Variants in ASAP2 observed in about 807,000 individuals in gnomAD.
The protein encoded by ASAP2 is arf-GAP with SH3 domain, ANK repeat and PH domain-containing protein 2.
ASAP2 carries 45 observed loss-of-function variants against 131.4 expected under a neutral mutation model. That is an observed-to-expected ratio of 0.34 (90% CI 0.27 to 0.44). ASAP2 has a LOEUF of 0.44. Ranked by LOEUF, ASAP2 falls within the 20% of genes least tolerant of loss-of-function variation. The pLI is 1.00. For missense variants in ASAP2, 1,011 were observed against 1,297.0 expected, an observed-to-expected ratio of 0.78 and a Z score of 3.39; for synonymous variants, 510 against 503.0, an observed-to-expected ratio of 1.01 and a Z score of -0.19.
At chr2:9,227,445 A>G (rs1032820778) in intron 1 of ASAP2, among the ~76,000 whole-genome samples, 2 of 152,234 alleles carry the variant, frequency 1.3e-5, no homozygotes, top group African/African-American at 2.4e-5. Context: ...CCGAACTGCA[A>G]ACTCCTGAGG....
chr2:9,221,983 G>A lies in ASAP2; in HGVS notation c.126+14753G>A, dbSNP rs1273195539. Among the ~76,000 whole-genome samples the A allele has an allele frequency of 3.3e-5, 5 of 151,470 alleles. No homozygotes were observed. The East Asian group carries it at 9.8e-4, about 30-fold the overall frequency. Reference sequence around the variant, plus strand: ...TAATTTTTTTTTTTTTGTATTTTTAGCAGAGATGGGGTTTCACCATGGTCT... The same window carrying A: ...TAATTTTTTTTTTTTTGTATTTTTAACAGAGATGGGGTTTCACCATGGTCT... On this transcript the variant is annotated intron_variant, in intron 1 of 27. Coordinates refer to ENST00000281419, the MANE Select transcript of ASAP2 (RefSeq NM_003887.3).
At chr2:9,284,189 G>A (rs913610880) in intron 2 of ASAP2, among the ~76,000 whole-genome samples, 2 of 152,206 alleles carry the variant, frequency 1.3e-5, no homozygotes, top group Non-Finnish European at 2.9e-5. Context: ...ATTAGGAGGT[G>A]GGCATCTGGT....
rs898391047 is a variant in ASAP2 at position 9,264,681 on chromosome 2, C to T, written c.127-14636C>T. Among the ~76,000 whole-genome samples, 7 of 152,276 alleles carry T rather than the reference C, an allele frequency of 4.6e-5. No individual in the cohort carries two copies. The East Asian group carries it at 9.6e-4, about 21-fold the overall frequency. The stretch of plus-strand genomic sequence containing the variant: ...CGTCTTCTCTCCTCATCTAGGTGCG[C>T]GCTATAACTAAGTCCTTTGCCTCTT... On this transcript the variant is annotated intron_variant, in intron 1 of 27. Transcript: ENST00000281419.
chr2:9,309,098 C>T (rs1276425615), intron 3 of ASAP2, among the ~76,000 whole-genome samples: 3 of 152,164 alleles, frequency 2.0e-5, no homozygotes, highest in Non-Finnish European at 2.9e-5. Context: ...CTCCTTTGCG[C>T]TCTGCTCCAA....
chr2:9,224,549 T>C (rs1219632147), intron 1 of ASAP2, among the ~76,000 whole-genome samples: 1 of 152,196 alleles, frequency 6.6e-6, no homozygotes. Context: ...GTGTCATCCT[T>C]TGAAACAATT....
intron 14 of ASAP2, among the ~76,000 whole-genome samples, chr2:9,356,598 G>T (rs1672721435): frequency 1.3e-5 from 2 of 152,190 alleles, no homozygotes; most frequent in Non-Finnish European, 2.9e-5. Flanking sequence ...TGCAAAGTTT[G>T]AAATGCTTTT....
chr2:9,350,649 C>G, intron 11 of ASAP2, 159 bp from the exon 12 acceptor site: 1 of 558,592 alleles, frequency 1.8e-6, no homozygotes. Context: ...GCCTCTGTAA[C>G]TTGTCCCAGT....
chr2:9,399,215 T>A (rs1676424643), intron 24 of ASAP2: 1 of 152,366 alleles, frequency 6.6e-6, no homozygotes, highest in Non-Finnish European at 1.5e-5. Context: ...GTGGAAAGAA[T>A]CCCATCCTTG....
intron 15 of ASAP2, among the ~76,000 whole-genome samples, chr2:9,361,974 C>CATGTGT (rs1553321640): frequency 7.0e-6 from 1 of 143,172 alleles, no homozygotes; most frequent in Non-Finnish European, 1.5e-5. Context: ...TCTTTCTCTG[C>CATGTGT]GTGTGTGTGT....
Position 9,380,773 on chromosome 2 carries a change from G to T in ASAP2, c.1981G>T (p.Ala661Ser), listed in dbSNP as rs773891052. The change falls in exon 20 of 28, where the codon GCC becomes TCC. Residue 661 changes from alanine (A) to serine (S), a missense_variant. By Grantham distance (99) the Ala-to-Ser change is moderately conservative (BLOSUM62 1). Around this residue, in one of 2 missense-constraint regions of ASAP2, gnomAD observed 652 missense variants for 698.9 expected, o/e 0.93. Transcript: ENST00000281419. ...GTCAGGAGAGACTCCGCTGGACATTGCCAAGCGCCTCAAGCACGAGCACTG... is the reference window on the plus strand; with the variant it reads ...GTCAGGAGAGACTCCGCTGGACATTTCCAAGCGCCTCAAGCACGAGCACTG... ...NESGETPLDI[A>S]KRLKHEHCEE... 6.2e-7 allele frequency: 1 copy of T among 1,614,148 alleles called. No homozygotes were observed. The highest frequency in any genetic ancestry group is 8.5e-7 in the Non-Finnish European group (1 of 1,180,032).
chr2:9,257,750 G>C (rs1665266006), intron 1 of ASAP2, among the ~76,000 whole-genome samples: 1 of 152,162 alleles, frequency 6.6e-6, no homozygotes, highest in African/African-American at 2.4e-5. Context: ...TGATCTCCTT[G>C]TGACCTCAAG....
At chr2:9,400,613 C>A in intron 25 of ASAP2, 129 bp from the exon 26 acceptor site, 1 of 807,874 alleles carries the variant, frequency 1.2e-6, no homozygotes, top group Non-Finnish European at 2.1e-6. Context: ...AGAAGGTTCC[C>A]TTTCCCCTCA....
chr2:9,301,187 C>G (rs1460530345), intron 3 of ASAP2, among the ~76,000 whole-genome samples: 1 of 152,230 alleles, frequency 6.6e-6, no homozygotes, highest in Admixed American at 6.5e-5. Context: ...CTGGCTAAGA[C>G]TCACAGTGCT....
rs552123180 is a variant in ASAP2 at position 9,281,628 on chromosome 2, C to T, written c.199+2239C>T. On this transcript the variant is annotated intron_variant, in intron 2 of 27. Coordinates refer to ENST00000281419, the MANE Select transcript of ASAP2 (RefSeq NM_003887.3). This position sits in a 1 kb window ranked among gnomAD's most constrained non-coding sequence, Gnocchi z 4.0. ...CACCCTCTTTGAAGTTCGTGGAAGTCAGTTCCAGAGCATGGGAGAGAGAAG... is the reference window on the plus strand; with the variant it reads ...CACCCTCTTTGAAGTTCGTGGAAGTTAGTTCCAGAGCATGGGAGAGAGAAG... Among the ~76,000 whole-genome samples, 11 of 152,192 alleles carry T rather than the reference C, an allele frequency of 7.2e-5. 1 individual carries two copies. The highest frequency in any genetic ancestry group is 3.3e-4 in the Admixed American group (5 of 15,280).
chr2:9,212,657 C>T (rs1661659913), intron 1 of ASAP2, among the ~76,000 whole-genome samples: 1 of 152,194 alleles, frequency 6.6e-6, no homozygotes, highest in Non-Finnish European at 1.5e-5. Flanking sequence ...GGAGCATATA[C>T]ATGCATTCCA....
In ASAP2 at chr2:9,301,846, C is replaced by T. The variant is rs10211042; in HGVS notation, c.345+4401C>T. Among the ~76,000 whole-genome samples the T allele has an allele frequency of 7.5e-3, 848 of 112,520 alleles. 8 individuals carry two copies. Among genetic ancestry groups the T allele is most frequent in the African/African-American group, 0.022 (628 of 28,208 alleles). 73.8% of individuals were successfully genotyped at this position (112,520 alleles called of 152,430 possible). A position where few individuals can be genotyped will look rare whatever the true frequency, so the allele number is the denominator to read the frequency against. Reference sequence around the variant, plus strand: ...TTTTTTTTTTTTTTTTTTTTTGAGACGGAGTCTCGTTCTGTTGTCCAGGCT... The same window carrying T: ...TTTTTTTTTTTTTTTTTTTTTGAGATGGAGTCTCGTTCTGTTGTCCAGGCT... On this transcript the variant is annotated intron_variant, in intron 3 of 27. Transcript: ENST00000281419.
chr2:9,353,768 G>C (rs888174049), intron 12 of ASAP2, among the ~76,000 whole-genome samples: 1 of 152,106 alleles, frequency 6.6e-6, no homozygotes, highest in African/African-American at 2.4e-5. Context: ...CCTACAAGAT[G>C]TTCCTTTACC....
At chr2:9,304,123 G>GTCCCTGCTTCCCTGGA (rs1668673818) in intron 3 of ASAP2, among the ~76,000 whole-genome samples, 1 of 152,170 alleles carries the variant, frequency 6.6e-6, no homozygotes, top group Non-Finnish European at 1.5e-5. Flanking sequence ...TGAGCCCTGG[G>GTCCCTGCTTCCCTGGA]TCCCTGCTTC....
At chr2:9,227,586 A>T (rs1331443940) in intron 1 of ASAP2, among the ~76,000 whole-genome samples, 1 of 152,226 alleles carries the variant, frequency 6.6e-6, no homozygotes, top group Admixed American at 6.5e-5. Flanking sequence ...ACAGAGGTTT[A>T]ACGGCTCTGT....
Sources: allele counts gnomAD v4.1 joint callset (sites outside exome capture counted in the v4.1 genomes callset), GRCh38; gene constraint gnomAD v4.1.1; regional missense constraint gnomAD v4.1.1; non-coding constraint Gnocchi (gnomAD v3.1); transcripts MANE v1.5; gene names NCBI Gene and HGNC (gene_info 2026-07-23, HGNC 2026-07-21).